The following TAF11 variants were observed in gnomAD, a reference collection of about 807,000 sequenced individuals.
TAF11 encodes the protein transcription initiation factor TFIID subunit 11.
A neutral mutation model predicts 23.0 loss-of-function variants in TAF11; 10 were observed. The ratio of observed to expected loss-of-function variants is 0.43; its 90% CI spans 0.27 to 0.74. The LOEUF (loss-of-function observed/expected upper bound fraction) is 0.74. Among genes scored for constraint, TAF11 ranks in the 30% least tolerant of loss-of-function variants. The pLI, the probability that TAF11 is intolerant of heterozygous loss-of-function variation, is 0.19. For synonymous variants in TAF11, 85 were observed against 95.8 expected, an observed-to-expected ratio of 0.89 and a Z score of 0.66; for missense variants, 196 against 261.7, an observed-to-expected ratio of 0.75 and a Z score of 1.73.
intron 1 of TAF11, among the ~76,000 whole-genome samples, chr6:34,886,998 AG>A (rs1766538837): frequency 6.6e-6 from 1 of 152,092 alleles, no homozygotes; most frequent in Admixed American, 6.5e-5. Context: ...TAAAAACACC[AG>A]ACCCAATTGA....
At position 34,881,945 on chromosome 6, in the gene TAF11, G is replaced by A. The variant is rs187381013; in HGVS notation, c.320+987C>T. Among the ~76,000 whole-genome samples, 896 of 151,160 alleles carry A rather than the reference G, an allele frequency of 5.9e-3. 1 individual carries two copies. The highest frequency in any genetic ancestry group is 7.1e-3 in the Non-Finnish European group (484 of 67,736). ...ACTCCTGACCTCAAGTGATCCACCC[G>A]CCTCAGCCTCCCAAAGTGCTGGGAT... On this transcript the variant is annotated intron_variant, in intron 2 of 4. Transcript: ENST00000361288.
intron 1 of TAF11, among the ~76,000 whole-genome samples, chr6:34,885,280 C>T (rs1268289619): frequency 6.6e-6 from 1 of 151,940 alleles, no homozygotes; most frequent in East Asian, 1.9e-4. Flanking sequence ...TATCTTCTGG[C>T]TGTTAATAAA....
In TAF11 at chr6:34,887,935, G is replaced by A. The variant is rs1462365352; in HGVS notation, c.23C>T (p.Pro8Leu). Residue 8 changes from proline (P) to leucine (L), a missense_variant, in exon 1 of 5, where the codon CCC (proline) becomes CTC (leucine). Transcript: ENST00000361288. MDDAHESPSDKGGETGES... is the reference protein window; with the variant it reads MDDAHESLSDKGGETGES... ...CCCTGTCTCTCCACCTTTGTCGGAG[G>A]GCGACTCGTGGGCATCGTCCATCAC... is the stretch of plus-strand genomic sequence containing the variant. The A allele has an allele frequency of 1.9e-6, 3 of 1,614,144 alleles. No individual in the cohort carries two copies. The highest frequency in any genetic ancestry group is 1.1e-5 in the South Asian group (1 of 91,078).
At chr6:34,879,528 A>AT (rs1766381077) in intron 4 of TAF11, 2 of 984,296 alleles carry the variant, frequency 2.0e-6, no homozygotes, top group Middle Eastern at 5.2e-4. Context: ...AAAAAAAAAA[A>AT]TTTCACCAGC....
rs771448465 is a variant in TAF11 at position 34,880,351 on chromosome 6, C to G, written c.346G>C (p.Glu116Gln). 2.5e-6 allele frequency: 4 copies of G among 1,613,880 alleles called. No homozygotes were observed. The highest frequency in any genetic ancestry group is 1.7e-5 in the Admixed American group (1 of 59,996). The change falls in exon 3 of 5, where the codon GAG becomes CAG. Residue 116 changes from glutamate to glutamine, a missense_variant. Glu to Gln is a conservative substitution (Grantham distance 29). Coordinates refer to ENST00000361288, the MANE Select transcript of TAF11 (RefSeq NM_005643.4). This position sits in a 1 kb window ranked among gnomAD's most constrained non-coding sequence, Gnocchi z 4.8. ...MQILVSSFSEEQLNRYEMYRR... is the reference protein window; with the variant it reads ...MQILVSSFSEQQLNRYEMYRR... ...TACATTTCATAACGGTTCAGCTGCT[C>G]CTCAGAAAAAGAAGAAACCAGGATT...
rs1365196291 is a variant in TAF11, at chr6:34,879,647, G to A, written c.505+320C>T. ...TCACCATCCCACACAGGTCACCCCT[G>A]TGATTGCTTTTCTTGTATCTTTACT... On this transcript the variant is annotated intron_variant, in intron 4 of 4. Coordinates refer to ENST00000361288, the MANE Select transcript of TAF11 (RefSeq NM_005643.4). The A allele has an allele frequency of 4.1e-6, 4 of 985,218 alleles. No homozygotes were observed. In the African/African-American group the frequency reaches 7.0e-5, roughly 17 times the overall value. The allele number at this position is 985,218 out of a possible 1,614,324, so 61.0% of individuals were successfully genotyped here.
intron 1 of TAF11, among the ~76,000 whole-genome samples, chr6:34,886,084 C>T (rs1216944774): frequency 6.6e-6 from 1 of 152,162 alleles, no homozygotes; most frequent in Non-Finnish European, 1.5e-5. Flanking sequence ...GCCGAGATTG[C>T]GCCATTGCAC....
chr6:34,886,154 C>T (rs1766521387), intron 1 of TAF11, among the ~76,000 whole-genome samples: 1 of 147,148 alleles, frequency 6.8e-6, no homozygotes, highest in South Asian at 2.2e-4. Flanking sequence ...AAAACAAAAA[C>T]TTTAGATGAG....
intron 1 of TAF11, among the ~76,000 whole-genome samples, chr6:34,884,342 C>G (rs1439227790): frequency 1.3e-5 from 2 of 151,992 alleles, no homozygotes; most frequent in Non-Finnish European, 1.5e-5. Flanking sequence ...CATGTTCTCA[C>G]TAATAAGTGG....
chr6:34,882,426 G>A lies in TAF11; in HGVS notation c.320+506C>T, dbSNP rs147182549. Among the ~76,000 whole-genome samples, 1,175 of 151,386 alleles carry A rather than the reference G, an allele frequency of 7.8e-3. 17 individuals carry two copies. Among genetic ancestry groups the A allele is most frequent in the African/African-American group, 0.024 (1,002 of 41,274 alleles). On this transcript the variant is annotated intron_variant, in intron 2 of 4. Coordinates refer to ENST00000361288, the MANE Select transcript of TAF11 (RefSeq NM_005643.4). ...TGGGAGGCCGAGGCGGGCAGATCAC[G>A]TGAGGTCATGAGTTCAAGACCAGCC... is the stretch of plus-strand genomic sequence containing the variant.
intron 4 of TAF11, among the ~76,000 whole-genome samples, chr6:34,879,036 C>G (rs144538858): frequency 1.8e-3 from 273 of 152,174 alleles, no homozygotes; most frequent in African/African-American, 6.0e-3. Context: ...CAAACCTTGT[C>G]TCTACAAAAA....
At chr6:34,884,761 T>C (rs1448791378) in intron 1 of TAF11, among the ~76,000 whole-genome samples, 1 of 152,238 alleles carries the variant, frequency 6.6e-6, no homozygotes, top group African/African-American at 2.4e-5. Context: ...GAAGGTAGTC[T>C]ATCTTTGACA....
chr6:34,881,555 C>A (rs183047731), intron 2 of TAF11, among the ~76,000 whole-genome samples: 176 of 151,884 alleles, frequency 1.2e-3, no homozygotes, highest in Non-Finnish European at 2.2e-3. Context: ...AAAACATTCA[C>A]CATATCTAAT....
rs1766357103 is a variant in TAF11, at chr6:34,878,586, T to C, written c.*4A>G. The C allele has an allele frequency of 2.1e-6, 3 of 1,462,508 alleles. No individual in the cohort carries two copies. The highest frequency in any genetic ancestry group is 2.9e-6 in the Non-Finnish European group (3 of 1,041,976). 90.6% of individuals were successfully genotyped at this position (1,462,508 alleles called of 1,614,324 possible). On this transcript the variant is annotated 3_prime_UTR_variant, in exon 5 of 5. Coordinates refer to ENST00000361288, the MANE Select transcript of TAF11 (RefSeq NM_005643.4). ...CAGTAACATAGGCCTTTCTAGACTT[T>C]GGTCTAGAAGAAGATGATTTTTTTG...
In TAF11 at chr6:34,880,289, C is replaced by G. The variant is rs1561822837; in HGVS notation, c.408G>C (p.Arg136Ser). The change falls in exon 3 of 5, where the codon AGG (arginine) becomes AGC (serine). Residue 136 changes from arginine (R) to serine (S), a missense_variant and splice_region_variant. Coordinates refer to ENST00000361288, the MANE Select transcript of TAF11 (RefSeq NM_005643.4). The surrounding 1 kb of genome is among the most constrained non-coding windows in gnomAD (Gnocchi z 4.8). ...ATGAAGTGTGGTGGTCCATCCTTAC[C>G]CTTTTGATGGCTGCCTTAGGGAAAG... ...RSAFPKAAIK[R>S]LIQSITGTSV... The G allele has an allele frequency of 1.9e-6, 3 of 1,614,022 alleles. No homozygotes were observed. Among genetic ancestry groups the G allele is most frequent in the Non-Finnish European group, 8.5e-7 (1 of 1,179,964 alleles).
intron 1 of TAF11, among the ~76,000 whole-genome samples, chr6:34,885,074 C>T (rs1178784241): frequency 2.6e-5 from 4 of 151,208 alleles, no homozygotes; most frequent in African/African-American, 4.9e-5. Context: ...CTCCTTGTTC[C>T]TACATTCTTC....
At chr6:34,885,706 G>A (rs946980593) in intron 1 of TAF11, among the ~76,000 whole-genome samples, 2 of 152,222 alleles carry the variant, frequency 1.3e-5, no homozygotes, top group African/African-American at 4.8e-5. Flanking sequence ...AGGCATGGTG[G>A]CTGCCACCTG....
intron 1 of TAF11, 78 bp from the exon 2 acceptor site, chr6:34,883,158 A>G (rs1766473752): frequency 1.4e-6 from 2 of 1,434,872 alleles, no homozygotes; most frequent in Non-Finnish European, 1.9e-6. Flanking sequence ...CATCATCCTT[A>G]TCACAAAACA....
Position 34,879,727 on chromosome 6 carries a change from T to TC in TAF11, c.505+239dup, listed in dbSNP as rs1259622737. On this transcript the variant is annotated intron_variant, in intron 4 of 4. Transcript: ENST00000361288. Reference sequence around the variant, plus strand: ...GCAGAAAATACAAAGTCTACTTCTTTCACCCTGGGCTGAGGAAAGGAATCA... The same window carrying TC: ...GCAGAAAATACAAAGTCTACTTCTTTCCACCCTGGGCTGAGGAAAGGAATCA... The TC allele has an allele frequency of 5.1e-6, 5 of 985,288 alleles. No homozygotes were observed. The Admixed American group carries it at 3.1e-4, about 61-fold the overall frequency. 61.0% of individuals were successfully genotyped at this position (985,288 alleles called of 1,614,324 possible). A position where few individuals can be genotyped will look rare whatever the true frequency, so the allele number is the denominator to read the frequency against.
Sources: allele counts gnomAD v4.1 joint callset (sites outside exome capture counted in the v4.1 genomes callset), GRCh38; gene constraint gnomAD v4.1.1; non-coding constraint Gnocchi (gnomAD v3.1); transcripts MANE v1.5; gene names NCBI Gene and HGNC (gene_info 2026-07-23, HGNC 2026-07-21).